The following TDRP variants were observed in gnomAD, a reference collection of about 807,000 sequenced individuals.
TDRP encodes the protein testis development related protein.
In TDRP, 12 loss-of-function variants were observed where a neutral mutation model predicts 10.5. The observed-to-expected ratio is 1.15, with a 90% CI of 0.73 to 1.86. TDRP has a LOEUF of 1.86. Ranked by LOEUF, TDRP falls within the 40% of genes most tolerant of loss-of-function variation. The pLI is 0.00. For synonymous variants in TDRP, 139 were observed against 95.4 expected, an observed-to-expected ratio of 1.46 and a Z score of -2.67; for missense variants, 353 against 229.2, an observed-to-expected ratio of 1.54 and a Z score of -3.49.
chr8:492,085 T>C lies in TDRP; in HGVS notation c.*314A>G, dbSNP rs927870830. ...AACACAGAGCAGCATGAAAATCATT[T>C]TGTGAGAAACTGCAAATCATTACTG... On this transcript the variant is annotated 3_prime_UTR_variant, in exon 3 of 3. Coordinates refer to ENST00000324079, the MANE Select transcript of TDRP (RefSeq NM_001384899.1). 104 of 1,169,148 alleles carry C rather than the reference T, an allele frequency of 8.9e-5. No individual in the cohort carries two copies. Among genetic ancestry groups the C allele is most frequent in the Middle Eastern group, 3.4e-4 (1 of 2,944 alleles). The allele number at this position is 1,169,148 out of a possible 1,614,324, so 72.4% of individuals were successfully genotyped here.
rs1042640486 is a variant in TDRP at position 491,355 on chromosome 8, C to G, written c.*1044G>C. The G allele has an allele frequency of 7.5e-5, 27 of 361,756 alleles. No homozygotes were observed. Among genetic ancestry groups the G allele is most frequent in the African/African-American group, 5.2e-4 (25 of 47,890 alleles). 22.4% of individuals were successfully genotyped at this position (361,756 alleles called of 1,614,324 possible). A position where few individuals can be genotyped will look rare whatever the true frequency, so the allele number is the denominator to read the frequency against. Reference sequence around the variant, plus strand: ...TATCTGCAGGACTTGCTGATAAGAGCCAACCTTCCAGGGACGCATAACTGG... The same window carrying G: ...TATCTGCAGGACTTGCTGATAAGAGGCAACCTTCCAGGGACGCATAACTGG... On this transcript the variant is annotated 3_prime_UTR_variant, in exon 3 of 3. Coordinates refer to ENST00000324079, the MANE Select transcript of TDRP (RefSeq NM_001384899.1).
intron 1 of TDRP, among the ~76,000 whole-genome samples, chr8:514,478 G>C (rs762348789): frequency 1.5e-4 from 23 of 152,084 alleles, no homozygotes; most frequent in Non-Finnish European, 2.8e-4. Context: ...CACAAAACTG[G>C]GGACAGGATG....
chr8:522,803 T>C (rs2116827179), intron 1 of TDRP, among the ~76,000 whole-genome samples: 1 of 152,304 alleles, frequency 6.6e-6, no homozygotes, highest in East Asian at 1.9e-4. Flanking sequence ...TTGTGACAGT[T>C]TTTGACTTTT....
intron 1 of TDRP, among the ~76,000 whole-genome samples, chr8:502,402 C>T (rs1281573314): frequency 2.0e-5 from 3 of 152,354 alleles, no homozygotes; most frequent in Admixed American, 6.5e-5. Flanking sequence ...TTGCAGGGTG[C>T]CAGGCCAACG....
intron 1 of TDRP, among the ~76,000 whole-genome samples, chr8:495,638 G>C (rs1397260870): frequency 6.6e-6 from 1 of 152,112 alleles, no homozygotes; most frequent in Non-Finnish European, 1.5e-5. Flanking sequence ...GGCTGGGAAG[G>C]GTCTCTCACG....
chr8:492,282 T>C lies in TDRP; in HGVS notation c.*117A>G, dbSNP rs1800998935. ...AAATAAAGAAACAGAGGTCCAAATA[T>C]CAAATATAGGCAAAAAGTAGACTCT... is the stretch of plus-strand genomic sequence containing the variant. On this transcript the variant is annotated 3_prime_UTR_variant, in exon 3 of 3. Transcript: ENST00000324079. 7.4e-7 allele frequency: 1 copy of C among 1,342,988 alleles called. No homozygotes were observed. Among genetic ancestry groups the C allele is most frequent in the African/African-American group, 1.5e-5 (1 of 67,438 alleles). The allele number at this position is 1,342,988 out of a possible 1,614,324, so 83.2% of individuals were successfully genotyped here.
intron 1 of TDRP, among the ~76,000 whole-genome samples, chr8:502,378 C>A (rs2116742099): frequency 6.6e-6 from 1 of 152,336 alleles, no homozygotes; most frequent in African/African-American, 2.4e-5. Context: ...AGGCCCGCAG[C>A]CGTGTTCACC....
At chr8:518,739 G>A (rs11779724) in intron 1 of TDRP, among the ~76,000 whole-genome samples, 105,348 of 151,930 alleles carry the variant, frequency 0.69, 36,818 homozygotes, top group African/African-American at 0.73. Flanking sequence ...AAAAAAATTG[G>A]AAAAGTAAAT....
At chr8:533,893 C>T (rs1802276762) in intron 1 of TDRP, among the ~76,000 whole-genome samples, 1 of 152,088 alleles carries the variant, frequency 6.6e-6, no homozygotes, top group Non-Finnish European at 1.5e-5. Context: ...TAGTAAGACT[C>T]TTTAATACAA....
Position 492,294 on chromosome 8 carries a change from A to C in TDRP, c.*105T>G. The C allele has an allele frequency of 7.4e-7, 1 of 1,352,826 alleles. No individual in the cohort carries two copies. The highest frequency in any genetic ancestry group is 9.5e-7 in the Non-Finnish European group (1 of 1,051,044). 83.8% of individuals were successfully genotyped at this position (1,352,826 alleles called of 1,614,324 possible). ...AGAGGTCCAAATATCAAATATAGGC[A>C]AAAAGTAGACTCTCTATTCTTTCTA... On this transcript the variant is annotated 3_prime_UTR_variant, in exon 3 of 3. Transcript: ENST00000324079.
intron 1 of TDRP, among the ~76,000 whole-genome samples, chr8:526,945 T>C (rs1008380724): frequency 6.6e-6 from 1 of 152,050 alleles, no homozygotes; most frequent in Non-Finnish European, 1.5e-5. Context: ...ATCTTATACT[T>C]GGAAAAACCT....
intron 1 of TDRP, among the ~76,000 whole-genome samples, chr8:525,600 G>A (rs1207387906): frequency 1.3e-5 from 2 of 152,110 alleles, no homozygotes; most frequent in African/African-American, 4.8e-5. Context: ...GTTTTTTAAT[G>A]CAATAAGTGT....
At chr8:513,691 A>G (rs1365712538) in intron 1 of TDRP, among the ~76,000 whole-genome samples, 1 of 152,374 alleles carries the variant, frequency 6.6e-6, no homozygotes, top group African/African-American at 2.4e-5. Context: ...TACAGAAAGG[A>G]AACAAAATGA....
At chr8:518,589 T>C (rs1017037611) in intron 1 of TDRP, among the ~76,000 whole-genome samples, 2 of 151,844 alleles carry the variant, frequency 1.3e-5, no homozygotes, top group Middle Eastern at 3.2e-3. Flanking sequence ...AGTAACTATT[T>C]TGAGAGAAAA....
In TDRP at chr8:494,474, C is replaced by G. The variant is rs763657898; in HGVS notation, c.212+20G>C. On this transcript the variant is annotated intron_variant, in intron 2 of 2. Transcript: ENST00000324079. ...CTCCCTCTCCTGAAATGATCATTTT[C>G]TTACACAGTTATGACTTACCCTTTG... The G allele has an allele frequency of 3.1e-6, 5 of 1,607,010 alleles. No individual in the cohort carries two copies. The highest frequency in any genetic ancestry group is 1.7e-6 in the Non-Finnish European group (2 of 1,174,056).
chr8:544,121 GCAAA>G (rs1301747507), intron 1 of TDRP, among the ~76,000 whole-genome samples: 2 of 152,140 alleles, frequency 1.3e-5, no homozygotes, highest in Non-Finnish European at 1.5e-5. Flanking sequence ...TACTTGTTAT[GCAAA>G]CAAACATTTA....
At chr8:516,642 C>T (rs1385945236) in intron 1 of TDRP, among the ~76,000 whole-genome samples, 1 of 152,170 alleles carries the variant, frequency 6.6e-6, no homozygotes, top group Non-Finnish European at 1.5e-5. Flanking sequence ...CAGGAACTCT[C>T]GTTCACTGCT....
At chr8:535,656 G>C (rs528163078) in intron 1 of TDRP, among the ~76,000 whole-genome samples, 1 of 152,162 alleles carries the variant, frequency 6.6e-6, no homozygotes, top group South Asian at 2.1e-4. Flanking sequence ...CTCCCAACAG[G>C]TGATCTTAAA....
chr8:525,228 A>G (rs1056295548), intron 1 of TDRP, among the ~76,000 whole-genome samples: 3 of 152,206 alleles, frequency 2.0e-5, no homozygotes, highest in Non-Finnish European at 4.4e-5. Flanking sequence ...ATGTCCTTCA[A>G]GCATGAAGGA....
Sources: gnomAD v4.1 joint callset for allele counts (sites outside exome capture counted in the v4.1 genomes callset) on GRCh38, gnomAD v4.1.1 for gene constraint, MANE v1.5 for transcripts, NCBI Gene and HGNC (gene_info 2026-07-23, HGNC 2026-07-21) for gene names.